Variants in SH3BP5 observed in about 807,000 individuals in gnomAD.
SH3BP5 encodes SH3 domain binding protein 5, also known as SH3 domain-binding protein 5.
A neutral mutation model predicts 43.3 loss-of-function variants in SH3BP5; 22 were observed. The observed-to-expected ratio is 0.51, with a 90% CI of 0.36 to 0.73. SH3BP5 has a LOEUF of 0.73. Among genes scored for constraint, SH3BP5 ranks in the 30% least tolerant of loss-of-function variants. The pLI is 0.00. For synonymous variants in SH3BP5, 255 were observed against 225.8 expected (o/e 1.13, Z -1.16); for missense variants, 529 against 586.9 (o/e 0.90, Z 1.02).
chr3:15,294,077 C>CAA (rs111324706), intron 3 of SH3BP5, among the ~76,000 whole-genome samples: 1,566 of 70,822 alleles, frequency 0.022, 27 homozygotes, highest in African/African-American at 0.059. Context: ...GTCTCCATCT[C>CAA]AAAAAAAAAA....
chr3:15,257,141 T>A (rs761095003), intron 7 of SH3BP5, 28 bp from the exon 8 acceptor site: 12 of 1,605,098 alleles, frequency 7.5e-6, no homozygotes, highest in Non-Finnish European at 1.0e-5. Flanking sequence ...ACCAGTCACA[T>A]GGGTTCTGTC....
chr3:15,302,196 G>A (rs966797774), intron 3 of SH3BP5, among the ~76,000 whole-genome samples: 2 of 152,124 alleles, frequency 1.3e-5, no homozygotes, highest in Admixed American at 1.3e-4. Flanking sequence ...CAACTTGGGG[G>A]GCATCTCAAA....
At chr3:15,272,019 G>A (rs964881294) in intron 3 of SH3BP5, among the ~76,000 whole-genome samples, 10 of 152,244 alleles carry the variant, frequency 6.6e-5, no homozygotes, top group Admixed American at 1.3e-4. Context: ...CTGGTGGGAC[G>A]TCCCTAAGGC....
At position 15,258,996 on chromosome 3, in the gene SH3BP5, C is replaced by T. The variant is rs780768326; in HGVS notation, c.724G>A (p.Glu242Lys). ...LQAKLTLAKG[E>K]YKMALKNLEM... is the part of the protein sequence containing the mutation. Reference sequence around the variant, plus strand: ...AGGTTCTTCAGGGCCATCTTGTACTCGCCTTTTGCCAGGGTCAGTTTGGCC... The same window carrying T: ...AGGTTCTTCAGGGCCATCTTGTACTTGCCTTTTGCCAGGGTCAGTTTGGCC... Residue 242 changes from glutamate to lysine, a missense_variant, in exon 7 of 9, where the codon GAG becomes AAG. Around this residue, in one of 3 missense-constraint regions of SH3BP5, gnomAD observed 369 missense variants for 384.3 expected, o/e 0.96. Transcript: ENST00000383791. The T allele has an allele frequency of 1.9e-5, 30 of 1,614,222 alleles. No individual in the cohort carries two copies. The highest frequency in any genetic ancestry group is 2.3e-5 in the Non-Finnish European group (27 of 1,180,040).
chr3:15,293,967 A>G (rs563823466), intron 3 of SH3BP5, among the ~76,000 whole-genome samples: 2 of 151,230 alleles, frequency 1.3e-5, no homozygotes, highest in Admixed American at 6.6e-5. Flanking sequence ...AGTCTCAGCT[A>G]CTCGGGAGGC....
At chr3:15,290,728 T>C (rs1316017834) in intron 3 of SH3BP5, among the ~76,000 whole-genome samples, 3 of 151,902 alleles carry the variant, frequency 2.0e-5, no homozygotes, top group Non-Finnish European at 4.4e-5. Flanking sequence ...TTACCCAAAA[T>C]GAAACCTACA....
At chr3:15,275,218 G>A (rs1696929712) in intron 3 of SH3BP5, among the ~76,000 whole-genome samples, 1 of 152,178 alleles carries the variant, frequency 6.6e-6, no homozygotes, top group African/African-American at 2.4e-5. Flanking sequence ...CAGGCAGCAG[G>A]CCAGGCCAAG....
intron 3 of SH3BP5, among the ~76,000 whole-genome samples, 155 bp downstream of exon 3, chr3:15,303,948 T>C (rs1697825620): frequency 6.6e-6 from 1 of 152,128 alleles, no homozygotes; most frequent in Non-Finnish European, 1.5e-5. Context: ...TGTCGAGCAC[T>C]GGAATGAAGC....
intron 6 of SH3BP5, chr3:15,259,554 GAGA>G: frequency 1.5e-6 from 1 of 658,848 alleles, no homozygotes; most frequent in Non-Finnish European, 2.8e-6. Flanking sequence ...TAGTACAACA[GAGA>G]AGGTGACTGA....
rs1188818369 is a variant in SH3BP5 at position 15,332,401 on chromosome 3, G to T, written c.8C>A (p.Ala3Glu). ...CTCCGAGCGGCTCCGCTTCAGTGCC[G>T]CGTCCATGCAGGCAGCCGGCACGCG... MD[A>E]ALKRSRSEEP... is the part of the protein sequence containing the mutation. The change falls in exon 1 of 9, where the codon GCG (alanine) becomes GAG (glutamate). Residue 3 changes from alanine to glutamate, a missense_variant. By Grantham distance (107) the Ala-to-Glu change is moderately radical (BLOSUM62 -1). Around this residue, in one of 3 missense-constraint regions of SH3BP5, gnomAD observed 75 missense variants for 61.8 expected, o/e 1.21. Transcript: ENST00000383791. 6.5e-7 allele frequency: 1 copy of T among 1,535,068 alleles called. No individual in the cohort carries two copies. Among genetic ancestry groups the T allele is most frequent in the Admixed American group, 2.0e-5 (1 of 50,868 alleles).
At chr3:15,257,226 C>T in intron 7 of SH3BP5, 113 bp from the exon 8 acceptor site, 2 of 1,079,432 alleles carry the variant, frequency 1.9e-6, no homozygotes, top group East Asian at 4.8e-5. Context: ...GAGTCTCTAC[C>T]TCTGTGAGTG....
intron 2 of SH3BP5, among the ~76,000 whole-genome samples, chr3:15,324,063 G>C (rs1199724301): frequency 6.6e-6 from 1 of 152,228 alleles, no homozygotes; most frequent in Non-Finnish European, 1.5e-5. Flanking sequence ...ACCCTGAAGA[G>C]ACGCAAAGAC....
At chr3:15,318,168 A>T (rs961545378) in intron 2 of SH3BP5, among the ~76,000 whole-genome samples, 3 of 152,244 alleles carry the variant, frequency 2.0e-5, no homozygotes, top group Admixed American at 2.0e-4. Flanking sequence ...CACTTAGCAC[A>T]AAACTTAGCA....
chr3:15,274,546 T>A lies in SH3BP5; in HGVS notation c.331-4669A>T, dbSNP rs149670201. Among the ~76,000 whole-genome samples the A allele has an allele frequency of 4.3e-3, 659 of 151,704 alleles. 3 individuals are homozygous for A. The highest frequency in any genetic ancestry group is 0.014 in the African/African-American group (587 of 41,334). Reference sequence around the variant, plus strand: ...TCTCACTCTATCGCCCAGGCTGGAGTATAGTGGTGCGATCTTGGCTCAATG... The same window carrying A: ...TCTCACTCTATCGCCCAGGCTGGAGAATAGTGGTGCGATCTTGGCTCAATG... On this transcript the variant is annotated intron_variant, in intron 3 of 8. Transcript: ENST00000383791.
At chr3:15,278,264 C>A (rs1401024129) in intron 3 of SH3BP5, among the ~76,000 whole-genome samples, 3 of 152,250 alleles carry the variant, frequency 2.0e-5, no homozygotes, top group Admixed American at 2.0e-4. Context: ...GCCTTTCCAA[C>A]CCAACCGAGG....
At chr3:15,325,636 CA>C (rs1698441022) in intron 2 of SH3BP5, among the ~76,000 whole-genome samples, 1 of 152,246 alleles carries the variant, frequency 6.6e-6, no homozygotes, top group Non-Finnish European at 1.5e-5. Context: ...CTCAGAAAAG[CA>C]GGGACTTCTG....
intron 3 of SH3BP5, among the ~76,000 whole-genome samples, chr3:15,294,833 T>C (rs1697524642): frequency 6.6e-6 from 1 of 152,150 alleles, no homozygotes; most frequent in South Asian, 2.1e-4. Flanking sequence ...GTCTGAAGGG[T>C]AGGCTGAGGC....
Position 15,319,264 on chromosome 3 carries a change from T to G in SH3BP5, c.201+11240A>C, listed in dbSNP as rs186931083. Among the ~76,000 whole-genome samples the G allele has an allele frequency of 1.2e-3, 179 of 152,334 alleles. 1 individual carries two copies. The highest frequency in any genetic ancestry group is 5.3e-3 in the Admixed American group (81 of 15,302). ...TTGCTAAAAACTGTCCATCTTGCCT[T>G]TATCGTTGCTGGTTTATTTAAGGTC... On this transcript the variant is annotated intron_variant, in intron 2 of 8. Transcript: ENST00000383791.
Position 15,256,032 on chromosome 3 carries a change from C to T in SH3BP5, c.*54G>A, listed in dbSNP as rs1373834858. 1.2e-5 allele frequency: 17 copies of T among 1,368,880 alleles called. No homozygotes were observed. Among genetic ancestry groups the T allele is most frequent in the Non-Finnish European group, 1.8e-5 (17 of 971,176 alleles). The allele number at this position is 1,368,880 out of a possible 1,614,324, so 84.8% of individuals were successfully genotyped here. On this transcript the variant is annotated 3_prime_UTR_variant, in exon 9 of 9. Coordinates refer to ENST00000383791, the MANE Select transcript of SH3BP5 (RefSeq NM_004844.5). ...ATTAAATGATTATTGGCACAATGTT[C>T]TCCAGTTCCATGTATAAATGTTGAT...
Sources: gnomAD v4.1 joint callset for allele counts (sites outside exome capture counted in the v4.1 genomes callset) on GRCh38, gnomAD v4.1.1 for gene constraint, gnomAD v4.1.1 regional missense constraint, MANE v1.5 for transcripts, NCBI Gene and HGNC (gene_info 2026-07-23, HGNC 2026-07-21) for gene names.